FBXO38: variants seen among roughly 807,000 people sequenced by gnomAD.
FBXO38 encodes the protein F-box protein 38.
A neutral mutation model predicts 131.9 loss-of-function variants in FBXO38; 53 were observed. That is an observed-to-expected ratio of 0.40 (90% CI 0.32 to 0.51). The LOEUF is 0.51. Among genes scored for constraint, FBXO38 ranks in the 20% least tolerant of loss-of-function variants. FBXO38 has a pLI of 0.53. For missense variants in FBXO38, 1,076 were observed against 1,475.6 expected (o/e 0.73, Z 4.44); for synonymous variants, 452 against 505.6 (o/e 0.89, Z 1.42).
intron 17 of FBXO38, chr5:148,434,329 T>C (rs1277168741): frequency 6.6e-6 from 1 of 152,210 alleles, no homozygotes; most frequent in East Asian, 1.9e-4. Flanking sequence ...GTCTCAAACA[T>C]AGGGCATTAG....
rs1752706843 is a variant in FBXO38 at position 148,410,835 on chromosome 5, T to A, written c.1093+70T>A. ...TTACTTGACAAACTGAAATCTGAAT[T>A]GGGTTGTGCCATGTCTTTTTGAACA... On this transcript the variant is annotated intron_variant, in intron 9 of 21. Transcript: ENST00000340253. The A allele has an allele frequency of 3.5e-6, 5 of 1,440,798 alleles. No individual in the cohort carries two copies. The Admixed American group carries it at 8.9e-5, about 26-fold the overall frequency. The allele number at this position is 1,440,798 out of a possible 1,614,324, so 89.3% of individuals were successfully genotyped here.
chr5:148,398,853 C>A, intron 2 of FBXO38, 146 bp from the exon 3 acceptor site: 1 of 875,558 alleles, frequency 1.1e-6, no homozygotes, highest in Non-Finnish European at 1.7e-6. Flanking sequence ...AGCTGTATGA[C>A]CGTATGTGTG....
intron 2 of FBXO38, among the ~76,000 whole-genome samples, chr5:148,396,883 T>G (rs549198279): frequency 1.3e-5 from 2 of 152,198 alleles, no homozygotes; most frequent in South Asian, 4.1e-4. Context: ...TGGAATTACA[T>G]GCATACACCA....
At chr5:148,409,765 A>G (rs997570268) in intron 8 of FBXO38, among the ~76,000 whole-genome samples, 5 of 152,202 alleles carry the variant, frequency 3.3e-5, no homozygotes, top group Non-Finnish European at 1.5e-5. Context: ...ATTTTCTTTA[A>G]GCATTTTTAA....
intron 2 of FBXO38, among the ~76,000 whole-genome samples, chr5:148,398,747 A>G (rs1751970548): frequency 6.6e-6 from 1 of 151,878 alleles, no homozygotes; most frequent in Non-Finnish European, 1.5e-5. Flanking sequence ...TGAAAACTCA[A>G]AAGAAGAAAG....
chr5:148,430,737 G>C (rs979961832), intron 15 of FBXO38: 1 of 152,130 alleles, frequency 6.6e-6, no homozygotes, highest in Non-Finnish European at 1.5e-5. Flanking sequence ...AAAATGTAAC[G>C]TTTGAGTTCT....
intron 20 of FBXO38, 70 bp from the exon 21 acceptor site, chr5:148,441,052 TTA>T: frequency 1.0e-6 from 1 of 962,574 alleles, no homozygotes; most frequent in Non-Finnish European, 1.7e-6. Context: ...TACATTCTGC[TTA>T]CAAAATACTG....
At chr5:148,419,667 G>A (rs1753284942) in intron 12 of FBXO38, among the ~76,000 whole-genome samples, 1 of 152,136 alleles carries the variant, frequency 6.6e-6, no homozygotes, top group Non-Finnish European at 1.5e-5. Flanking sequence ...CTTGAGTGGG[G>A]AGTTTTCAAG....
At position 148,427,933 on chromosome 5, in the gene FBXO38, T is replaced by G. The variant is rs1314653378; in HGVS notation, c.2639T>G (p.Leu880Arg). 6.6e-7 allele frequency: 1 copy of G among 1,513,748 alleles called. No individual in the cohort carries two copies. The highest frequency in any genetic ancestry group is 8.8e-7 in the Non-Finnish European group (1 of 1,131,620). 93.8% of individuals were successfully genotyped at this position (1,513,748 alleles called of 1,614,324 possible). A position where few individuals can be genotyped will look rare whatever the true frequency, so the allele number is the denominator to read the frequency against. ...RARSRLSHVL[L>R]VSESEVAKTK... ...AGGAGCAGACTGTCCCATGTACTGCTGGTATCTGAGTCAGGTATGACAATG... is the reference window on the plus strand; with the variant it reads ...AGGAGCAGACTGTCCCATGTACTGCGGGTATCTGAGTCAGGTATGACAATG... Residue 880 changes from leucine (L) to arginine (R), a missense_variant, in exon 15 of 22, where the codon CTG becomes CGG. Around this residue, in one of 8 missense-constraint regions of FBXO38, gnomAD observed 282 missense variants for 418.8 expected, o/e 0.67. Transcript: ENST00000340253.
At position 148,416,020 on chromosome 5, in the gene FBXO38, C is replaced by T; in HGVS notation, c.1357C>T (p.Pro453Ser). 6.2e-7 allele frequency: 1 copy of T among 1,612,890 alleles called. No individual in the cohort carries two copies. Among genetic ancestry groups the T allele is most frequent in the Non-Finnish European group, 8.5e-7 (1 of 1,179,332 alleles). ...DSFGQFIELLPSLEFISLDQM... is the reference protein window; with the variant it reads ...DSFGQFIELLSSLEFISLDQM... ...TTTTGGCCAGTTTATTGAATTATTA[C>T]CCAGCCTAGAGTTTATTTCACTGGA... Residue 453 changes from proline (P) to serine (S), a missense_variant, in exon 11 of 22, where the codon CCC becomes TCC. Around this residue, in one of 8 missense-constraint regions of FBXO38, gnomAD observed 146 missense variants for 274.3 expected, o/e 0.53. Coordinates refer to ENST00000340253, the MANE Select transcript of FBXO38 (RefSeq NM_205836.3).
intron 21 of FBXO38, 139 bp downstream of exon 21, chr5:148,441,376 C>G (rs936709567): frequency 3.3e-5 from 21 of 642,842 alleles, no homozygotes; most frequent in Non-Finnish European, 5.6e-5. Context: ...TTACTCACTT[C>G]AAAACAGTTC....
chr5:148,435,096 A>AAAAAT (rs1042436362), intron 17 of FBXO38: 2 of 152,278 alleles, frequency 1.3e-5, no homozygotes, highest in African/African-American at 4.8e-5. Context: ...TCTCTCAAAA[A>AAAAAT]AAAATAAAAT....
intron 3 of FBXO38, among the ~76,000 whole-genome samples, chr5:148,400,161 A>G (rs1752066373): frequency 6.6e-6 from 1 of 152,110 alleles, no homozygotes; most frequent in African/African-American, 2.4e-5. Context: ...GAGCTTATTA[A>G]TAGGTTTGTG....
intron 17 of FBXO38, among the ~76,000 whole-genome samples, chr5:148,437,324 A>G (rs148778221): frequency 1.3e-5 from 2 of 152,362 alleles, no homozygotes; most frequent in African/African-American, 4.8e-5. Flanking sequence ...GAACCACTGG[A>G]TCCTTACTGT....
chr5:148,396,233 A>G (rs1758471923), intron 2 of FBXO38, among the ~76,000 whole-genome samples: 1 of 152,180 alleles, frequency 6.6e-6, no homozygotes, highest in African/African-American at 2.4e-5. Context: ...TGGCAGAAAA[A>G]AAGTCTGTCA....
At chr5:148,393,188 G>GGAGTGTGT (rs1420907423) in intron 1 of FBXO38, among the ~76,000 whole-genome samples, 1 of 127,036 alleles carries the variant, frequency 7.9e-6, no homozygotes, top group African/African-American at 3.1e-5. Flanking sequence ...ACAGAAGAGG[G>GGAGTGTGT]GTGTGTGTGT....
At position 148,406,436 on chromosome 5, in the gene FBXO38, A is replaced by G. The variant is rs79846164; in HGVS notation, c.868+42A>G. ...ATTACTAAATATTTTTTAAAAATCAACTTAAAATAATCATTAAGCTTTTAT... is the reference window on the plus strand; with the variant it reads ...ATTACTAAATATTTTTTAAAAATCAGCTTAAAATAATCATTAAGCTTTTAT... On this transcript the variant is annotated intron_variant, in intron 7 of 21. Coordinates refer to ENST00000340253, the MANE Select transcript of FBXO38 (RefSeq NM_205836.3). The G allele has an allele frequency of 5.7e-3, 8,195 of 1,431,970 alleles. 389 individuals carry two copies. In the African/African-American group the frequency reaches 0.1, roughly 18 times the overall value. The allele number at this position is 1,431,970 out of a possible 1,614,324, so 88.7% of individuals were successfully genotyped here.
Position 148,433,398 on chromosome 5 carries a change from A to T in FBXO38, c.2654-26A>T, listed in dbSNP as rs749106227. On this transcript the variant is annotated intron_variant, in intron 15 of 21. Coordinates refer to ENST00000340253, the MANE Select transcript of FBXO38 (RefSeq NM_205836.3). ...GAAAGAAAGCAAGGCTAAAATTTGG[A>T]TTTTCTTTTTTTTTGCCTTTTTTAG... 5 of 1,571,688 alleles carry T rather than the reference A, an allele frequency of 3.2e-6. No individual in the cohort carries two copies. In the Admixed American group the frequency reaches 5.2e-5, roughly 16 times the overall value.
At chr5:148,410,158 G>A (rs17720191) in intron 8 of FBXO38, 58,479 of 152,522 alleles carry the variant, frequency 0.38, 12,344 homozygotes, top group East Asian at 0.67. Context: ...CTAAAGTCAT[G>A]AACTTCTTTC....
Sources: allele counts gnomAD v4.1 joint callset (sites outside exome capture counted in the v4.1 genomes callset), GRCh38; gene constraint gnomAD v4.1.1; regional missense constraint gnomAD v4.1.1; transcripts MANE v1.5; gene names NCBI Gene and HGNC (gene_info 2026-07-23, HGNC 2026-07-21).